The following CERS6 variants were observed in gnomAD, a reference collection of about 807,000 sequenced individuals.
The protein encoded by CERS6 is ceramide synthase 6, also known as LAG1 homolog, ceramide synthase 6.
In CERS6, 26 loss-of-function variants were observed where a neutral mutation model predicts 56.8. That is an observed-to-expected ratio of 0.46 (90% CI 0.34 to 0.63). The LOEUF is 0.63. CERS6 is among the 30% of genes least tolerant of loss of function. The pLI is 0.01. For missense variants in CERS6, 415 were observed against 467.5 expected, an observed-to-expected ratio of 0.89 and a Z score of 1.04; for synonymous variants, 164 against 173.3, an observed-to-expected ratio of 0.95 and a Z score of 0.42.
At chr2:168,619,717 T>C (rs914297925) in intron 3 of CERS6, among the ~76,000 whole-genome samples, 2 of 151,874 alleles carry the variant, frequency 1.3e-5, no homozygotes, top group African/African-American at 4.8e-5. Flanking sequence ...GACGTTGAGA[T>C]GGATGCGGTG....
At chr2:168,690,990 C>G in intron 4 of CERS6, 44 bp from the exon 5 acceptor site, 5 of 1,553,136 alleles carry the variant, frequency 3.2e-6, no homozygotes, top group Non-Finnish European at 3.6e-6. Flanking sequence ...ATCCTCTTAT[C>G]CATGTTCTAA....
intron 8 of CERS6, among the ~76,000 whole-genome samples, chr2:168,725,750 C>T (rs753542096): frequency 1.2e-4 from 18 of 152,116 alleles, no homozygotes; most frequent in Admixed American, 4.6e-4. Flanking sequence ...TCACTGGTGC[C>T]CCACCTACTT....
At chr2:168,723,283 G>T (rs1301551239) in intron 8 of CERS6, among the ~76,000 whole-genome samples, 1 of 152,092 alleles carries the variant, frequency 6.6e-6, no homozygotes, top group African/African-American at 2.4e-5. Context: ...TGCACACAGT[G>T]GCCATTATTA....
chr2:168,736,890 G>A (rs997125211), intron 8 of CERS6, among the ~76,000 whole-genome samples: 5 of 152,102 alleles, frequency 3.3e-5, no homozygotes, highest in East Asian at 1.9e-4. Flanking sequence ...ATGCTACCTC[G>A]CCCTCACAGA....
At chr2:168,738,991 T>G (rs546478068) in intron 8 of CERS6, among the ~76,000 whole-genome samples, 11 of 151,390 alleles carry the variant, frequency 7.3e-5, no homozygotes, top group Non-Finnish European at 1.3e-4. Flanking sequence ...CTTCAAGCAA[T>G]TCTTCTGCCT....
chr2:168,594,740 A>G (rs866153677), intron 3 of CERS6, among the ~76,000 whole-genome samples: 1 of 152,030 alleles, frequency 6.6e-6, no homozygotes, highest in Non-Finnish European at 1.5e-5. Flanking sequence ...CCTTTCTACT[A>G]TTCTTTCTCA....
rs187437206 is a variant in CERS6 at position 168,679,294 on chromosome 2, A to G, written c.466-11740A>G. 6.6e-5 allele frequency among the ~76,000 whole-genome samples: 10 copies of G among 152,324 alleles called. No individual in the cohort carries two copies. The East Asian group carries it at 1.7e-3, about 26-fold the overall frequency. On this transcript the variant is annotated intron_variant, in intron 4 of 9. Transcript: ENST00000305747. The stretch of plus-strand genomic sequence containing the variant: ...TATGCTTAACGGTAGGATATTGTAT[A>G]TTACAAAATAGAAGAGAGGCTTTTG...
At chr2:168,510,550 C>T (rs78723650) in intron 1 of CERS6, among the ~76,000 whole-genome samples, 2,727 of 152,182 alleles carry the variant, frequency 0.018, 50 homozygotes, top group African/African-American at 0.047. Flanking sequence ...GTTGTTTGCA[C>T]GATAAAATTG....
chr2:168,677,176 C>A (rs749793779), intron 4 of CERS6, among the ~76,000 whole-genome samples: 4 of 152,026 alleles, frequency 2.6e-5, no homozygotes, highest in Admixed American at 1.3e-4. Flanking sequence ...CCTTCTCCCC[C>A]ACCCCCCAAC....
At chr2:168,496,682 T>C (rs1375553054) in intron 1 of CERS6, among the ~76,000 whole-genome samples, 5 of 152,186 alleles carry the variant, frequency 3.3e-5, no homozygotes, top group East Asian at 1.9e-4. Flanking sequence ...ATAGAAGATA[T>C]CATCATTATT....
chr2:168,579,344 T>C (rs1043278213), intron 3 of CERS6, among the ~76,000 whole-genome samples: 1 of 152,034 alleles, frequency 6.6e-6, no homozygotes, highest in African/African-American at 2.4e-5. Flanking sequence ...TTCAAGGTAA[T>C]GTATTTAATA....
intron 8 of CERS6, among the ~76,000 whole-genome samples, chr2:168,721,212 C>A (rs552865308): frequency 2.0e-5 from 3 of 152,164 alleles, no homozygotes; most frequent in African/African-American, 4.8e-5. Context: ...ATGCAATATG[C>A]GATCTTTTGT....
intron 1 of CERS6, among the ~76,000 whole-genome samples, chr2:168,505,194 A>G (rs1030733635): frequency 6.6e-6 from 1 of 151,842 alleles, no homozygotes; most frequent in South Asian, 2.1e-4. Context: ...CCTGGGCAAC[A>G]TGGCAAAACT....
intron 6 of CERS6, among the ~76,000 whole-genome samples, chr2:168,713,226 T>G (rs892626215): frequency 1.3e-5 from 2 of 152,202 alleles, no homozygotes; most frequent in East Asian, 1.9e-4. Context: ...CCCCTAGATT[T>G]AACCTACATG....
chr2:168,562,810 A>G (rs1695815689), intron 3 of CERS6, among the ~76,000 whole-genome samples: 1 of 152,170 alleles, frequency 6.6e-6, no homozygotes, highest in African/African-American at 2.4e-5. Flanking sequence ...CCCTCTCAAT[A>G]AATGAACTTA....
chr2:168,579,329 A>G (rs1683352410), intron 3 of CERS6, among the ~76,000 whole-genome samples: 1 of 152,090 alleles, frequency 6.6e-6, no homozygotes, highest in African/African-American at 2.4e-5. Context: ...CATATGGGAT[A>G]TAGGTTCAAG....
intron 4 of CERS6, among the ~76,000 whole-genome samples, chr2:168,680,269 G>T (rs900170684): frequency 1.3e-5 from 2 of 152,152 alleles, no homozygotes; most frequent in African/African-American, 2.4e-5. Flanking sequence ...CGGTCACAGT[G>T]GTCTGCCAAG....
At chr2:168,695,139 C>G in intron 6 of CERS6, 88 bp downstream of exon 6, 1 of 940,250 alleles carries the variant, frequency 1.1e-6, no homozygotes, top group Non-Finnish European at 1.7e-6. Flanking sequence ...AGGCACTCAC[C>G]CCTGTTCTCC....
intron 3 of CERS6, among the ~76,000 whole-genome samples, chr2:168,598,480 AT>A (rs1203196198): frequency 6.6e-6 from 1 of 152,158 alleles, no homozygotes; most frequent in Non-Finnish European, 1.5e-5. Flanking sequence ...GTAAAAAAAA[AT>A]AATGGCAAGG....
Sources: gnomAD v4.1 joint callset for allele counts (sites outside exome capture counted in the v4.1 genomes callset) on GRCh38, gnomAD v4.1.1 for gene constraint, MANE v1.5 for transcripts, NCBI Gene and HGNC (gene_info 2026-07-23, HGNC 2026-07-21) for gene names.